Variants in FANCA observed in about 807,000 individuals in gnomAD.
FANCA encodes the protein Fanconi anemia group A protein.
FANCA carries 236 observed loss-of-function variants against 194.3 expected under a neutral mutation model. The observed-to-expected ratio is 1.21, with a 90% confidence interval of 1.09 to 1.35. The LOEUF is 1.35. Ranked by LOEUF, FANCA falls within the 40% of genes most tolerant of loss-of-function variation. The pLI is 0.00. For synonymous variants in FANCA, 1,014 were observed against 715.8 expected (o/e 1.42, Z -6.65); for missense variants, 2,628 against 1,813.9 (o/e 1.45, Z -8.15).
intron 30 of FANCA, among the ~76,000 whole-genome samples, chr16:89,755,442 T>C (rs934834082): frequency 4.6e-5 from 7 of 151,842 alleles, no homozygotes; most frequent in African/African-American, 1.7e-4. Context: ...TGACATCAAG[T>C]GATCTGCCCG....
intron 8 of FANCA, among the ~76,000 whole-genome samples, chr16:89,800,474 G>C (rs1016334299): frequency 6.6e-6 from 1 of 152,134 alleles, no homozygotes; most frequent in Non-Finnish European, 1.5e-5. Flanking sequence ...AATTTGGGAC[G>C]TATCCAAAAC....
rs565109057 is a variant in FANCA, at chr16:89,765,207, G to C, written c.2602-141C>G. The C allele has an allele frequency of 4.5e-5, 46 of 1,023,320 alleles. No individual in the cohort carries two copies. In the African/African-American group the frequency reaches 6.2e-4, roughly 14 times the overall value. The allele number at this position is 1,023,320 out of a possible 1,614,324, so 63.4% of individuals were successfully genotyped here. Reference sequence around the variant, plus strand: ...CAGAGGACCTCAGTCCAGCCCCTGGGAGGGCGCAATACACGACCCCACGTT... The same window carrying C: ...CAGAGGACCTCAGTCCAGCCCCTGGCAGGGCGCAATACACGACCCCACGTT... On this transcript the variant is annotated intron_variant, in intron 27 of 42. Coordinates refer to ENST00000389301, the MANE Select transcript of FANCA (RefSeq NM_000135.4).
At chr16:89,747,025 C>T in intron 33 of FANCA, 135 bp from the exon 34 acceptor site, 2 of 849,238 alleles carry the variant, frequency 2.4e-6, no homozygotes, top group Non-Finnish European at 3.8e-6. Context: ...GGATGGTGCT[C>T]CTGGGCTGAC....
chr16:89,765,123 C>G, intron 27 of FANCA, 57 bp from the exon 28 acceptor site: 1 of 1,592,154 alleles, frequency 6.3e-7, no homozygotes, highest in South Asian at 1.1e-5. Context: ...CTGTGAGTGG[C>G]TGAGCAAATG....
intron 36 of FANCA, chr16:89,744,642 CAGACG>C: frequency 2.6e-6 from 1 of 388,474 alleles, no homozygotes; most frequent in East Asian, 5.9e-5. Context: ...GTTCCTCACT[CAGACG>C]AGACACTGGC....
chr16:89,758,386 T>C (rs576795655), intron 30 of FANCA, among the ~76,000 whole-genome samples, 191 bp downstream of exon 30: 15 of 152,318 alleles, frequency 9.8e-5, no homozygotes, highest in African/African-American at 3.6e-4. Flanking sequence ...GACTGAAGGA[T>C]GCAAAGCATT....
intron 29 of FANCA, 64 bp from the exon 30 acceptor site, chr16:89,758,769 C>A: frequency 6.2e-7 from 1 of 1,602,018 alleles, no homozygotes; most frequent in Non-Finnish European, 8.5e-7. Context: ...TCCCCATAAC[C>A]AGGGAATAGG....
In FANCA at chr16:89,752,168, T is replaced by C. The variant is rs2038617235; in HGVS notation, c.3036A>G (p.Thr1012=). The change falls in exon 31 of 43, where the codon ACA becomes ACG. Residue 1012 remains threonine, a synonymous_variant. Coordinates refer to ENST00000389301, the MANE Select transcript of FANCA (RefSeq NM_000135.4). ...ATCTGGAAATAATATCCTCATTTCC[T>C]GTGCGGCCACCAAAGACCAAATCAG... ...ENSDLVFGGR[T]GNEDIISRLQ... The C allele has an allele frequency of 1.2e-6, 2 of 1,614,220 alleles. No homozygotes were observed. The highest frequency in any genetic ancestry group is 1.6e-4 in the Middle Eastern group (1 of 6,062).
Position 89,758,618 on chromosome 16 carries a change from C to T in FANCA, c.2940G>A (p.Ala980=), listed in dbSNP as rs769418220. Residue 980 remains alanine, a synonymous_variant, in exon 30 of 43, where the codon GCG becomes GCA. Transcript: ENST00000389301. ...TCAGTGCGTTGACAAGAATGGTACA[C>T]GCAGCCTGCAGGTCTCCGTCACAGC... is the stretch of plus-strand genomic sequence containing the variant. ...SGGCDGDLQA[A]CTILVNALMD... The T allele has an allele frequency of 9.9e-6, 16 of 1,614,030 alleles. No homozygotes were observed. The highest frequency in any genetic ancestry group is 4.5e-5 in the East Asian group (2 of 44,872).
chr16:89,801,803 G>A (rs576271923), intron 8 of FANCA, among the ~76,000 whole-genome samples: 5 of 152,012 alleles, frequency 3.3e-5, no homozygotes, highest in East Asian at 2.0e-4. Flanking sequence ...CAGGAGAATC[G>A]GTTGAACCTG....
At chr16:89,743,058 A>G (rs2143064974) in intron 36 of FANCA, 120 bp from the exon 37 acceptor site, 3 of 1,231,396 alleles carry the variant, frequency 2.4e-6, no homozygotes, top group East Asian at 2.5e-5. Flanking sequence ...GAGGACAGAG[A>G]AGGGTTTCAG....
At chr16:89,769,000 C>T (rs1008853405) in intron 26 of FANCA, among the ~76,000 whole-genome samples, 2 of 152,166 alleles carry the variant, frequency 1.3e-5, no homozygotes, top group Non-Finnish European at 2.9e-5. Flanking sequence ...CCCGGAGTAC[C>T]GAGTGCCTGC....
At chr16:89,815,078 T>A (rs11640549) in intron 2 of FANCA, among the ~76,000 whole-genome samples, 1 of 151,918 alleles carries the variant, frequency 6.6e-6, no homozygotes, top group East Asian at 1.9e-4. Flanking sequence ...CTCACTGTCG[T>A]CCAGGCTGGA....
At chr16:89,783,919 G>T (rs1411600887) in intron 15 of FANCA, among the ~76,000 whole-genome samples, 1 of 151,866 alleles carries the variant, frequency 6.6e-6, no homozygotes, top group African/African-American at 2.4e-5. Flanking sequence ...GCGCTACCAC[G>T]CCCGGCTAAT....
At position 89,770,548 on chromosome 16, in the gene FANCA, C is replaced by G. The variant is rs1200319467; in HGVS notation, c.2222+16G>C. 3 of 1,594,498 alleles carry G rather than the reference C, an allele frequency of 1.9e-6. No individual in the cohort carries two copies. The highest frequency in any genetic ancestry group is 1.7e-4 in the Middle Eastern group (1 of 5,996). ...CAGAGGAGCCCCACCACTCAGGGAG[C>G]TGCCCGCGCCTTCACCTCTCCGGGG... On this transcript the variant is annotated intron_variant, in intron 24 of 42. Transcript: ENST00000389301.
intron 33 of FANCA, among the ~76,000 whole-genome samples, chr16:89,747,848 G>A (rs752064754): frequency 6.6e-6 from 1 of 152,154 alleles, no homozygotes; most frequent in Non-Finnish European, 1.5e-5. Context: ...GAGTGGGAGG[G>A]GCTGGTATCC....
At chr16:89,792,579 G>C (rs1468235522) in intron 11 of FANCA, 32 bp from the exon 12 acceptor site, 7 of 1,599,938 alleles carry the variant, frequency 4.4e-6, no homozygotes, top group African/African-American at 2.8e-5. Context: ...AAAACTTCAA[G>C]TCAGAGATCA....
At position 89,791,403 on chromosome 16, in the gene FANCA, C is replaced by A; in HGVS notation, c.1359G>T (p.Lys453Asn). The A allele has an allele frequency of 6.2e-7, 1 of 1,613,894 alleles. No homozygotes were observed. Among genetic ancestry groups the A allele is most frequent in the Non-Finnish European group, 8.5e-7 (1 of 1,179,890 alleles). ...SAFLSYADWF[K>N]ASFGSTRGYH... Reference sequence around the variant, plus strand: ...GGTAGCCGATTGGCAGGTCACTTACCTTGAACCAGTCTGCATATGACAGGA... The same window carrying A: ...GGTAGCCGATTGGCAGGTCACTTACATTGAACCAGTCTGCATATGACAGGA... Residue 453 changes from lysine to asparagine, a missense_variant and splice_region_variant, in exon 14 of 43, where the codon AAG (lysine) becomes AAT (asparagine). By Grantham distance (94) the Lys-to-Asn change is moderately conservative. Coordinates refer to ENST00000389301, the MANE Select transcript of FANCA (RefSeq NM_000135.4).
chr16:89,802,698 C>T (rs186281269), intron 8 of FANCA, among the ~76,000 whole-genome samples: 116 of 152,244 alleles, frequency 7.6e-4, no homozygotes, highest in African/African-American at 2.4e-3. Flanking sequence ...CCACCATGCC[C>T]GGCCAGCTAT....
Sources: allele counts gnomAD v4.1 joint callset (sites outside exome capture counted in the v4.1 genomes callset), GRCh38; gene constraint gnomAD v4.1.1; transcripts MANE v1.5; gene names NCBI Gene and HGNC (gene_info 2026-07-23, HGNC 2026-07-21).